Variants in KCNQ3 observed in about 807,000 individuals in gnomAD.
The protein encoded by KCNQ3 is potassium voltage-gated channel subfamily KQT member 3.
KCNQ3 carries 30 observed loss-of-function variants against 92.5 expected under a neutral mutation model. The observed-to-expected ratio is 0.32, with a 90% confidence interval of 0.24 to 0.44. The LOEUF (loss-of-function observed/expected upper bound fraction) is 0.44, where lower values mean the gene tolerates loss of function less well. Ranked by LOEUF, KCNQ3 falls within the 20% of genes least tolerant of loss-of-function variation. KCNQ3 has a pLI of 1.00. For missense variants in KCNQ3, 913 were observed against 1,140.3 expected (o/e 0.80, Z 2.87); for synonymous variants, 450 against 468.8 (o/e 0.96, Z 0.52).
rs571631731 is a variant in KCNQ3 at position 132,370,309 on chromosome 8, GATGA to G, written c.386+109834_386+109837del. On this transcript the variant is annotated intron_variant, in intron 1 of 14. Coordinates refer to ENST00000388996, the MANE Select transcript of KCNQ3 (RefSeq NM_004519.4). ...GTGCTCAATGCGTGCCTGCTAAATG[GATGA>G]ATGAATGAATGAATGAATGAGCAAT... 2.2e-4 allele frequency among the ~76,000 whole-genome samples: 34 copies of G among 152,168 alleles called. 1 individual carries two copies. The highest frequency in any genetic ancestry group is 1.3e-4 in the Admixed American group (2 of 15,262).
At chr8:132,208,896 C>A (rs1157421868) in intron 1 of KCNQ3, among the ~76,000 whole-genome samples, 1 of 152,156 alleles carries the variant, frequency 6.6e-6, no homozygotes, top group Admixed American at 6.5e-5. Flanking sequence ...CCTCCTAAAA[C>A]ACCTCCTGGA....
intron 1 of KCNQ3, among the ~76,000 whole-genome samples, chr8:132,289,577 C>T (rs772222166): frequency 9.9e-5 from 15 of 152,116 alleles, no homozygotes; most frequent in Admixed American, 2.6e-4. Context: ...TACAAGGATA[C>T]ATAAGATTAT....
chr8:132,186,214 C>A (rs763443652), intron 1 of KCNQ3, 33 bp from the exon 2 acceptor site: 13 of 1,514,564 alleles, frequency 8.6e-6, no homozygotes, highest in East Asian at 4.5e-5. Context: ...ACTAAGGAAC[C>A]TTTGAGTCAT....
intron 1 of KCNQ3, among the ~76,000 whole-genome samples, chr8:132,224,327 A>G (rs144124200): frequency 1.3e-5 from 2 of 152,178 alleles, no homozygotes; most frequent in East Asian, 3.9e-4. Flanking sequence ...GTAATTAAAA[A>G]TCTAAACAGG....
chr8:132,306,893 A>C (rs1176936030), intron 1 of KCNQ3, among the ~76,000 whole-genome samples: 1 of 152,194 alleles, frequency 6.6e-6, no homozygotes, highest in Non-Finnish European at 1.5e-5. Flanking sequence ...GGAGGAATCC[A>C]CATAAGGAGT....
At chr8:132,461,560 C>T (rs778283634) in intron 1 of KCNQ3, among the ~76,000 whole-genome samples, 31 of 152,072 alleles carry the variant, frequency 2.0e-4, no homozygotes, top group African/African-American at 2.4e-4. Context: ...AGCAGGACTC[C>T]GTCTCAAAAA....
chr8:132,419,800 A>G (rs1820917130), intron 1 of KCNQ3, among the ~76,000 whole-genome samples: 1 of 152,240 alleles, frequency 6.6e-6, no homozygotes, highest in Non-Finnish European at 1.5e-5. Context: ...ACAGATATTC[A>G]GCATCAGTAA....
At chr8:132,359,701 T>C (rs1021559478) in intron 1 of KCNQ3, among the ~76,000 whole-genome samples, 4 of 152,194 alleles carry the variant, frequency 2.6e-5, no homozygotes, top group Non-Finnish European at 4.4e-5. Flanking sequence ...CTAGTAATGA[T>C]GACATTAGCA....
intron 1 of KCNQ3, among the ~76,000 whole-genome samples, chr8:132,294,520 A>C (rs1816959304): frequency 6.6e-6 from 1 of 152,200 alleles, no homozygotes; most frequent in African/African-American, 2.4e-5. Context: ...CTTCAGTGGG[A>C]AATTCTCATT....
At chr8:132,352,838 G>A (rs1398620802) in intron 1 of KCNQ3, among the ~76,000 whole-genome samples, 1 of 152,170 alleles carries the variant, frequency 6.6e-6, no homozygotes, top group Non-Finnish European at 1.5e-5. Context: ...TTGGGACAGT[G>A]TGGGGAAAAG....
rs1303764833 is a variant in KCNQ3, at chr8:132,184,308, T to C, written c.537A>G (p.Gly179=). The C allele has an allele frequency of 1.9e-6, 3 of 1,614,054 alleles. No homozygotes were observed. The highest frequency in any genetic ancestry group is 1.3e-5 in the African/African-American group (1 of 75,002). Residue 179 remains glycine, a synonymous_variant, in exon 3 of 15, where the codon GGA becomes GGG. Transcript: ENST00000388996. The part of the protein sequence containing the change: ...AEFALRIWAA[G]CCCRYKGWRG... ...GCCAGCCTTTGTATCGGCAGCAACA[T>C]CCAGCAGCCCAGATCCTCAAAGCAA...
At chr8:132,160,682 A>C (rs545496113) in intron 9 of KCNQ3, among the ~76,000 whole-genome samples, 1 of 149,462 alleles carries the variant, frequency 6.7e-6, no homozygotes, top group East Asian at 1.9e-4. Context: ...GCTGTCGCTT[A>C]TGAGGGCTGT....
chr8:132,480,051 G>T, intron 1 of KCNQ3, 96 bp downstream of exon 1: 1 of 1,223,654 alleles, frequency 8.2e-7, no homozygotes, highest in African/African-American at 1.5e-5. Context: ...AAGCATCCAT[G>T]GGTCTTAAAG....
At chr8:132,184,082 G>T (rs941641645) in intron 3 of KCNQ3, among the ~76,000 whole-genome samples, 159 bp downstream of exon 3, 1 of 152,198 alleles carries the variant, frequency 6.6e-6, no homozygotes, top group Non-Finnish European at 1.5e-5. Context: ...GACCCAGAAG[G>T]TTGACACTGT....
intron 1 of KCNQ3, among the ~76,000 whole-genome samples, chr8:132,272,195 G>A (rs1339876945): frequency 6.6e-6 from 1 of 152,228 alleles, no homozygotes; most frequent in African/African-American, 2.4e-5. Context: ...CTACTGCAGT[G>A]TCTGGGATGA....
At chr8:132,426,581 T>C (rs1167656543) in intron 1 of KCNQ3, among the ~76,000 whole-genome samples, 3 of 152,218 alleles carry the variant, frequency 2.0e-5, no homozygotes, top group Non-Finnish European at 2.9e-5. Flanking sequence ...TCAGGTGTCA[T>C]AGGTGCAGCC....
rs558337213 is a variant in KCNQ3, at chr8:132,440,571, G to A, written c.386+39576C>T. On this transcript the variant is annotated intron_variant, in intron 1 of 14. Transcript: ENST00000388996. ...ATTGTGCAGCGTAGTTCTCCATGTC[G>A]GTCGTGGGAAACTGAGGCTTGGAGG... Among the ~76,000 whole-genome samples, 13 of 152,216 alleles carry A rather than the reference G, an allele frequency of 8.5e-5. No individual in the cohort carries two copies. In the East Asian group the frequency reaches 1.2e-3, roughly 14 times the overall value.
intron 1 of KCNQ3, among the ~76,000 whole-genome samples, chr8:132,442,780 G>T (rs1821571516): frequency 6.6e-6 from 1 of 152,170 alleles, no homozygotes; most frequent in Non-Finnish European, 1.5e-5. Flanking sequence ...ATTTCCCTTT[G>T]AACATTTTCC....
intron 1 of KCNQ3, among the ~76,000 whole-genome samples, chr8:132,348,917 CAGAT>C (rs1181060453): frequency 1.3e-4 from 20 of 152,170 alleles, no homozygotes; most frequent in Non-Finnish European, 2.4e-4. Context: ...GGGGAGGAAA[CAGAT>C]AGTCTCCCAC....
Sources: allele counts gnomAD v4.1 joint callset (sites outside exome capture counted in the v4.1 genomes callset), GRCh38; gene constraint gnomAD v4.1.1; transcripts MANE v1.5; gene names NCBI Gene and HGNC (gene_info 2026-07-23, HGNC 2026-07-21).